ERBIN: variants seen among roughly 807,000 people sequenced by gnomAD.
The protein encoded by ERBIN is erbb2 interacting protein.
Under a neutral mutation model 158.4 loss-of-function variants are expected in ERBIN, and 60 were observed. That is an observed-to-expected ratio of 0.38 (90% CI 0.31 to 0.47). ERBIN has a LOEUF of 0.47. ERBIN is among the 20% of genes least tolerant of loss of function. The pLI is 0.99. For missense variants in ERBIN, 1,610 were observed against 1,648.0 expected, an observed-to-expected ratio of 0.98 and a Z score of 0.40; for synonymous variants, 594 against 557.2, an observed-to-expected ratio of 1.07 and a Z score of -0.93.
chr5:65,971,521 A>G (rs1749243397), intron 1 of ERBIN, among the ~76,000 whole-genome samples: 1 of 152,208 alleles, frequency 6.6e-6, no homozygotes, highest in Non-Finnish European at 1.5e-5. Flanking sequence ...CAAAACCAGT[A>G]AAAATAAGGT....
intron 1 of ERBIN, among the ~76,000 whole-genome samples, chr5:65,931,464 A>G (rs1182787085): frequency 6.6e-6 from 1 of 152,256 alleles, no homozygotes; most frequent in African/African-American, 2.4e-5. Context: ...ATAATATGGT[A>G]TAATTACAAG....
chr5:66,054,835 C>T lies in ERBIN; in HGVS notation c.3517C>T (p.Pro1173Ser), dbSNP rs1230176748. The change falls in exon 21 of 26, where the codon CCA (proline) becomes TCA (serine). Residue 1173 changes from proline (P) to serine (S), a missense_variant. Physicochemically the swap from Pro to Ser is moderately conservative, Grantham distance 74 (BLOSUM62 -1). This residue lies in a region of ERBIN where 1,014 missense variants were observed against 936.1 expected (regional missense o/e 1.08). Transcript: ENST00000284037. ...NYSRTSPSKRPNARVGSEHSL... is the reference protein window; with the variant it reads ...NYSRTSPSKRSNARVGSEHSL... ...TTCACGGACTAGTCCTTCAAAAAGACCAAATGCAAGGGTTGGTTCTGAGCA... is the reference window on the plus strand; with the variant it reads ...TTCACGGACTAGTCCTTCAAAAAGATCAAATGCAAGGGTTGGTTCTGAGCA... 1.9e-6 allele frequency: 3 copies of T among 1,613,974 alleles called. No individual in the cohort carries two copies. The highest frequency in any genetic ancestry group is 2.7e-5 in the African/African-American group (2 of 74,902).
At chr5:65,973,140 C>G (rs1749450369) in intron 1 of ERBIN, among the ~76,000 whole-genome samples, 2 of 150,910 alleles carry the variant, frequency 1.3e-5, no homozygotes, top group Non-Finnish European at 2.9e-5. Flanking sequence ...AACCAACATT[C>G]TCAGCAAACT....
rs141960644 is a variant in ERBIN at position 65,984,290 on chromosome 5, T to G, written c.-57-4345T>G. On this transcript the variant is annotated intron_variant, in intron 1 of 25. Transcript: ENST00000284037. ...CAGCTTCTCTCATTTTCTTCACTTATCAGTCTTGTCCTGTTCCACTCAGAT... is the reference window on the plus strand; with the variant it reads ...CAGCTTCTCTCATTTTCTTCACTTAGCAGTCTTGTCCTGTTCCACTCAGAT... 3.5e-5 allele frequency among the ~76,000 whole-genome samples: 5 copies of G among 142,318 alleles called. No individual in the cohort carries two copies. In the South Asian group the frequency reaches 1.1e-3, roughly 32 times the overall value. The allele number at this position is 142,318 out of a possible 152,430, so 93.4% of individuals were successfully genotyped here.
chr5:65,946,200 A>G (rs1274270672), intron 1 of ERBIN, among the ~76,000 whole-genome samples: 1 of 152,062 alleles, frequency 6.6e-6, no homozygotes, highest in African/African-American at 2.4e-5. Flanking sequence ...CATCGTCTCT[A>G]CAAAAATACA....
intron 1 of ERBIN, among the ~76,000 whole-genome samples, chr5:65,963,344 T>C (rs6879501): frequency 0.04 from 6,115 of 152,294 alleles, 419 homozygotes; most frequent in African/African-American, 0.14. Flanking sequence ...TCTCAAGTTA[T>C]CACTCTGTCA....
chr5:65,965,518 TCTC>T (rs1748501588), intron 1 of ERBIN, among the ~76,000 whole-genome samples: 3 of 151,218 alleles, frequency 2.0e-5, no homozygotes, highest in Non-Finnish European at 4.4e-5. Flanking sequence ...GATTCTCCTG[TCTC>T]AGCCTCTCAG....
intron 21 of ERBIN, chr5:66,068,800 A>AGTCTACGT (rs1204054448): frequency 1.6e-6 from 2 of 1,274,268 alleles, no homozygotes; most frequent in Admixed American, 3.1e-5. Context: ...CTTGTAAATA[A>AGTCTACGT]GTCTACGTAT....
chr5:66,076,489 A>G (rs1035947427), intron 24 of ERBIN, 81 bp downstream of exon 24: 3 of 1,060,276 alleles, frequency 2.8e-6, no homozygotes, highest in Non-Finnish European at 4.3e-6. Flanking sequence ...TGAAAATCTA[A>G]TAGATGTTTA....
At chr5:66,025,593 T>A (rs757072983) in intron 11 of ERBIN, 41 bp downstream of exon 11, 2 of 1,434,184 alleles carry the variant, frequency 1.4e-6, no homozygotes, top group Admixed American at 1.8e-5. Flanking sequence ...AAGATTTTAC[T>A]TTCAGTTCAG....
At chr5:65,941,244 C>A (rs552506164) in intron 1 of ERBIN, among the ~76,000 whole-genome samples, 1 of 150,902 alleles carries the variant, frequency 6.6e-6, no homozygotes, top group Admixed American at 6.6e-5. Context: ...TATCTGCTGA[C>A]CCTCCCTCCA....
At chr5:66,024,681 TTAAAA>T (rs1756046648) in intron 10 of ERBIN, among the ~76,000 whole-genome samples, 1 of 152,204 alleles carries the variant, frequency 6.6e-6, no homozygotes, top group African/African-American at 2.4e-5. Flanking sequence ...TTTAAATTCT[TTAAAA>T]TAAGTTAACT....
At chr5:66,071,181 C>T (rs1035187862) in intron 21 of ERBIN, among the ~76,000 whole-genome samples, 28 of 152,090 alleles carry the variant, frequency 1.8e-4, no homozygotes, top group Non-Finnish European at 3.8e-4. Context: ...TAGGGAGACC[C>T]TGCCTCTTCC....
chr5:66,057,772 A>T (rs1056935480), intron 21 of ERBIN, among the ~76,000 whole-genome samples: 3 of 142,038 alleles, frequency 2.1e-5, no homozygotes, highest in African/African-American at 7.9e-5. Context: ...TCATTGTTCA[A>T]TTTCCACCTG....
chr5:65,957,681 C>A (rs544908649), intron 1 of ERBIN, among the ~76,000 whole-genome samples: 1 of 152,256 alleles, frequency 6.6e-6, no homozygotes. Flanking sequence ...CTTTTCTATT[C>A]GACAAAACCG....
chr5:65,933,566 C>A (rs1743706133), intron 1 of ERBIN, among the ~76,000 whole-genome samples: 1 of 152,184 alleles, frequency 6.6e-6, no homozygotes, highest in Non-Finnish European at 1.5e-5. Context: ...GTTTTGCTCT[C>A]TGGCTGACCG....
rs556613526 is a variant in ERBIN, at chr5:66,058,253, T to G, written c.3633+3302T>G. On this transcript the variant is annotated intron_variant, in intron 21 of 25. Transcript: ENST00000284037. Reference sequence around the variant, plus strand: ...TAACTGGTGTGAGATGGTATCTATCTCATTGTGGTTTTGATTTGTATTTCT... The same window carrying G: ...TAACTGGTGTGAGATGGTATCTATCGCATTGTGGTTTTGATTTGTATTTCT... 2.2e-3 allele frequency among the ~76,000 whole-genome samples: 335 copies of G among 151,822 alleles called. 15 individuals carry two copies. Among genetic ancestry groups the G allele is most frequent in the African/African-American group, 8.0e-3 (329 of 41,052 alleles).
chr5:66,028,675 C>A (rs568850734), intron 14 of ERBIN, among the ~76,000 whole-genome samples: 15 of 152,192 alleles, frequency 9.9e-5, no homozygotes, highest in African/African-American at 3.6e-4. Flanking sequence ...AAAGTCTACT[C>A]GGCAATTTCA....
intron 1 of ERBIN, among the ~76,000 whole-genome samples, chr5:65,928,695 CTTT>C (rs1561254092): frequency 6.6e-6 from 1 of 151,830 alleles, no homozygotes; most frequent in Admixed American, 6.6e-5. Flanking sequence ...CTTTGTGTTT[CTTT>C]TTTTTCTCCT....
Sources: allele counts gnomAD v4.1 joint callset (sites outside exome capture counted in the v4.1 genomes callset), GRCh38; gene constraint gnomAD v4.1.1; regional missense constraint gnomAD v4.1.1; transcripts MANE v1.5; gene names NCBI Gene and HGNC (gene_info 2026-07-23, HGNC 2026-07-21).